The following SCEL variants were observed in gnomAD, a reference collection of about 807,000 sequenced individuals.
The protein encoded by SCEL is sciellin.
A neutral mutation model predicts 117.6 loss-of-function variants in SCEL; 113 were observed. The observed-to-expected ratio is 0.96, with a 90% CI of 0.83 to 1.12. The LOEUF is 1.12. Among genes scored for constraint, SCEL ranks in the 50% most tolerant of loss-of-function variants. The pLI is 0.00. For synonymous variants in SCEL, 270 were observed against 256.2 expected, an observed-to-expected ratio of 1.05 and a Z score of -0.51; for missense variants, 785 against 810.8, an observed-to-expected ratio of 0.97 and a Z score of 0.39.
At chr13:77,582,128 T>C (rs1045623050) in intron 9 of SCEL, among the ~76,000 whole-genome samples, 2 of 152,230 alleles carry the variant, frequency 1.3e-5, no homozygotes, top group Non-Finnish European at 2.9e-5. Context: ...CTCTTAGCTA[T>C]GTGCAGAATG....
intron 24 of SCEL, among the ~76,000 whole-genome samples, chr13:77,616,962 C>G (rs2089099455): frequency 6.6e-6 from 1 of 152,132 alleles, no homozygotes; most frequent in Admixed American, 6.6e-5. Flanking sequence ...CTTTCCCACC[C>G]TTAAAACAAG....
At chr13:77,612,747 C>T (rs754701754) in intron 22 of SCEL, 144 bp from the exon 23 acceptor site, 5 of 489,902 alleles carry the variant, frequency 1.0e-5, no homozygotes, top group Non-Finnish European at 1.8e-5. Flanking sequence ...TTGATAGTAG[C>T]CACCTGTTTT....
chr13:77,572,315 T>A, intron 9 of SCEL, 126 bp downstream of exon 9: 1 of 709,264 alleles, frequency 1.4e-6, no homozygotes, highest in Non-Finnish European at 2.4e-6. Context: ...CTCAGCTCTG[T>A]ACAGGAGAGT....
chr13:77,609,213 G>T, intron 21 of SCEL, 96 bp downstream of exon 21: 1 of 1,019,226 alleles, frequency 9.8e-7, no homozygotes, highest in Non-Finnish European at 1.4e-6. Flanking sequence ...TGAACCCAAT[G>T]ATCCTTCAAG....
intron 3 of SCEL, among the ~76,000 whole-genome samples, chr13:77,558,831 A>G (rs2084810940): frequency 6.6e-6 from 1 of 151,554 alleles, no homozygotes; most frequent in African/African-American, 2.4e-5. Context: ...AAAAAAAAAA[A>G]AAAAAAAAAG....
At chr13:77,555,351 G>A (rs1318321101) in intron 1 of SCEL, among the ~76,000 whole-genome samples, 1 of 152,154 alleles carries the variant, frequency 6.6e-6, no homozygotes, top group East Asian at 1.9e-4. Flanking sequence ...CATATGCCTG[G>A]CTGCTTTCCT....
chr13:77,565,317 G>A (rs1593951724), intron 5 of SCEL, among the ~76,000 whole-genome samples: 2 of 152,150 alleles, frequency 1.3e-5, no homozygotes, highest in Admixed American at 1.3e-4. Flanking sequence ...TTAGCCTGAG[G>A]TGGAACTCAA....
intron 28 of SCEL, among the ~76,000 whole-genome samples, chr13:77,632,774 A>G (rs1279679693): frequency 6.6e-6 from 1 of 152,242 alleles, no homozygotes; most frequent in African/African-American, 2.4e-5. Flanking sequence ...AAATATGCCA[A>G]CATTTTGTTA....
At chr13:77,564,848 C>G (rs2085196685) in intron 5 of SCEL, among the ~76,000 whole-genome samples, 1 of 152,158 alleles carries the variant, frequency 6.6e-6, no homozygotes, top group South Asian at 2.1e-4. Context: ...AAGTCAGTCA[C>G]CCTAATAGAG....
At position 77,593,295 on chromosome 13, in the gene SCEL, T is replaced by TGTGTGTGTGTGC. The variant is rs796907419; in HGVS notation, c.693-217_693-216insGTGTGTGTGCGT. ...GTGTGTGTGTGTGTGTGTGTGTGTG[T>TGTGTGTGTGTGC]GTCTGTGTGTGTGTGTGTGTGTGTC... On this transcript the variant is annotated intron_variant, in intron 11 of 32. Transcript: ENST00000349847. Among the ~76,000 whole-genome samples the TGTGTGTGTGTGC allele has an allele frequency of 6.2e-4, 85 of 136,782 alleles. 3 individuals carry two copies. The highest frequency in any genetic ancestry group is 1.2e-3 in the Non-Finnish European group (77 of 62,548). The allele number at this position is 136,782 out of a possible 152,430, so 89.7% of individuals were successfully genotyped here.
chr13:77,547,235 A>G (rs1452418444), intron 1 of SCEL, among the ~76,000 whole-genome samples: 2 of 152,196 alleles, frequency 1.3e-5, no homozygotes, highest in Non-Finnish European at 2.9e-5. Flanking sequence ...AAAAAATGTG[A>G]GTAACATTTG....
intron 9 of SCEL, among the ~76,000 whole-genome samples, chr13:77,574,372 G>A (rs1357014132): frequency 6.6e-6 from 1 of 152,164 alleles, no homozygotes; most frequent in Non-Finnish European, 1.5e-5. Context: ...CCATAGCTCC[G>A]AAACTAAGGG....
chr13:77,635,450 C>A (rs1395269828), intron 29 of SCEL, among the ~76,000 whole-genome samples: 2 of 152,078 alleles, frequency 1.3e-5, no homozygotes, highest in Non-Finnish European at 2.9e-5. Flanking sequence ...CGAACAATAA[C>A]ATAGGCTTTT....
intron 28 of SCEL, among the ~76,000 whole-genome samples, chr13:77,633,644 A>G (rs2090140498): frequency 6.6e-6 from 1 of 152,124 alleles, no homozygotes; most frequent in South Asian, 2.1e-4. Flanking sequence ...CCAGTCCACA[A>G]GAATTGCTTC....
At chr13:77,580,286 C>G (rs1352897990) in intron 9 of SCEL, among the ~76,000 whole-genome samples, 1 of 152,128 alleles carries the variant, frequency 6.6e-6, no homozygotes, top group East Asian at 1.9e-4. Flanking sequence ...TATGATCTGC[C>G]CGAAAGCCTG....
At chr13:77,614,088 T>G in intron 24 of SCEL, 133 bp downstream of exon 24, 1 of 750,366 alleles carries the variant, frequency 1.3e-6, no homozygotes, top group Non-Finnish European at 2.2e-6. Context: ...AACCTAGATG[T>G]CTCAGTATTT....
At chr13:77,543,275 G>A (rs1473064774) in intron 1 of SCEL, among the ~76,000 whole-genome samples, 1 of 151,196 alleles carries the variant, frequency 6.6e-6, no homozygotes, top group African/African-American at 2.4e-5. Context: ...AGTAGAGACG[G>A]GGTTTCACCG....
chr13:77,569,401 C>T lies in SCEL; in HGVS notation c.429C>T (p.Thr143=), dbSNP rs565037702. The part of the protein sequence containing the change: ...LQPGGSLNAN[T]SNTIASTSAT... Reference sequence around the variant, plus strand: ...CTGGCGGTTCATTGAATGCCAACACCTCCAACACCATAGCATCCACTTCTG... The same window carrying T: ...CTGGCGGTTCATTGAATGCCAACACTTCCAACACCATAGCATCCACTTCTG... Residue 143 remains threonine, a synonymous_variant, in exon 8 of 33, where the codon ACC becomes ACT. Coordinates refer to ENST00000349847, the MANE Select transcript of SCEL (RefSeq NM_144777.3). The T allele has an allele frequency of 3.2e-5, 52 of 1,613,912 alleles. No individual in the cohort carries two copies. The South Asian group carries it at 5.5e-4, about 17-fold the overall frequency.
chr13:77,613,524 G>C (rs1277667492), intron 23 of SCEL, among the ~76,000 whole-genome samples: 19 of 152,086 alleles, frequency 1.2e-4, no homozygotes, highest in Admixed American at 1.2e-3. Flanking sequence ...TGGATGTAAG[G>C]GATTGTTATG....
Sources: gnomAD v4.1 joint callset for allele counts (sites outside exome capture counted in the v4.1 genomes callset) on GRCh38, gnomAD v4.1.1 for gene constraint, MANE v1.5 for transcripts, NCBI Gene and HGNC (gene_info 2026-07-23, HGNC 2026-07-21) for gene names.